Variants in PTPRD observed in about 807,000 individuals in gnomAD.
The protein encoded by PTPRD is protein tyrosine phosphatase receptor type D, also known as receptor-type tyrosine-protein phosphatase delta.
Under a neutral mutation model 214.5 loss-of-function variants are expected in PTPRD, and 34 were observed. That is an observed-to-expected ratio of 0.16 (90% CI 0.12 to 0.21). PTPRD has a LOEUF of 0.21. Among genes scored for constraint, PTPRD ranks in the 10% least tolerant of loss-of-function variants. The pLI is 1.00. For missense variants in PTPRD, 2,545 were observed against 2,398.7 expected (o/e 1.06, Z -1.27); for synonymous variants, 1,128 against 845.7 (o/e 1.33, Z -5.79).
chr9:10,385,249 C>T (rs978808141), intron 2 of PTPRD, among the ~76,000 whole-genome samples: 22 of 151,594 alleles, frequency 1.5e-4, no homozygotes, highest in African/African-American at 5.3e-4. Context: ...TCATACATAT[C>T]CTCATGTTCT....
chr9:10,003,511 C>T (rs559211883), intron 4 of PTPRD, among the ~76,000 whole-genome samples: 5 of 150,982 alleles, frequency 3.3e-5, no homozygotes, highest in African/African-American at 9.7e-5. Flanking sequence ...TAAAAAGGGC[C>T]GAGATGGTAT....
chr9:10,453,427 G>T (rs953574310), intron 2 of PTPRD, among the ~76,000 whole-genome samples: 2 of 151,480 alleles, frequency 1.3e-5, no homozygotes, highest in African/African-American at 4.8e-5. Flanking sequence ...AATATTAATT[G>T]TTCCAATTCA....
chr9:9,700,121 T>C (rs567555137), intron 7 of PTPRD, among the ~76,000 whole-genome samples: 8 of 152,166 alleles, frequency 5.3e-5, no homozygotes, highest in African/African-American at 1.9e-4. Flanking sequence ...GGTACTGAAC[T>C]ATATATTTTT....
At chr9:8,755,227 A>C (rs1207515330) in intron 11 of PTPRD, among the ~76,000 whole-genome samples, 2 of 150,008 alleles carry the variant, frequency 1.3e-5, no homozygotes, top group East Asian at 1.9e-4. Flanking sequence ...TTAAAAAAAA[A>C]AAAAACAAAA....
At chr9:10,390,919 C>T (rs997542093) in intron 2 of PTPRD, among the ~76,000 whole-genome samples, 4 of 151,744 alleles carry the variant, frequency 2.6e-5, no homozygotes, top group East Asian at 2.0e-4. Context: ...AATTATTGGT[C>T]CACTACCAAC....
At position 9,350,038 on chromosome 9, in the gene PTPRD, T is replaced by C. The variant is rs151111848; in HGVS notation, c.-203+47411A>G. The stretch of plus-strand genomic sequence containing the variant: ...TGAAAGCTGCTTTCAGTTATGCAAA[T>C]GCTTGAAGAGGTAGGAACGGAAAGG... On this transcript the variant is annotated intron_variant, in intron 9 of 45. Coordinates refer to ENST00000381196, the MANE Select transcript of PTPRD (RefSeq NM_002839.4). Among the ~76,000 whole-genome samples, 266 of 152,204 alleles carry C rather than the reference T, an allele frequency of 1.7e-3. 1 individual carries two copies. The highest frequency in any genetic ancestry group is 6.1e-3 in the African/African-American group (254 of 41,562).
chr9:9,721,711 G>A (rs760303675), intron 7 of PTPRD, among the ~76,000 whole-genome samples: 1 of 152,018 alleles, frequency 6.6e-6, no homozygotes, highest in South Asian at 2.1e-4. Context: ...TAAAGAGATA[G>A]ACCCTGAGGT....
At chr9:9,759,542 A>T (rs1016531251) in intron 6 of PTPRD, among the ~76,000 whole-genome samples, 3 of 145,862 alleles carry the variant, frequency 2.1e-5, no homozygotes, top group Non-Finnish European at 4.4e-5. Flanking sequence ...ATCTTCAAAT[A>T]GTCAAGGTCT....
At chr9:9,350,992 G>C (rs1261919754) in intron 9 of PTPRD, among the ~76,000 whole-genome samples, 1 of 151,942 alleles carries the variant, frequency 6.6e-6, no homozygotes, top group African/African-American at 2.4e-5. Flanking sequence ...ATTTTAGATT[G>C]CTAAAGAATT....
rs367742276 is a variant in PTPRD at position 9,006,571 on chromosome 9, C to G, written c.-104+12126G>C. Among the ~76,000 whole-genome samples the G allele has an allele frequency of 6.4e-4, 97 of 152,088 alleles. 2 individuals are homozygous for G. Among genetic ancestry groups the G allele is most frequent in the African/African-American group, 2.3e-3 (94 of 41,512 alleles). ...TGCAATTCCCATTGGGCTGCAATTA[C>G]CATATTTATTCACATAACCTACCTG... On this transcript the variant is annotated intron_variant, in intron 11 of 45. Coordinates refer to ENST00000381196, the MANE Select transcript of PTPRD (RefSeq NM_002839.4).
intron 3 of PTPRD, among the ~76,000 whole-genome samples, chr9:10,136,187 T>C (rs1002957523): frequency 1.3e-5 from 2 of 151,886 alleles, no homozygotes; most frequent in Admixed American, 6.6e-5. Flanking sequence ...AACACCTAAT[T>C]ATCCTAAATA....
chr9:8,968,749 G>A (rs1328421147), intron 11 of PTPRD, among the ~76,000 whole-genome samples: 1 of 151,662 alleles, frequency 6.6e-6, no homozygotes, highest in East Asian at 1.9e-4. Flanking sequence ...TTACTATACT[G>A]TCAATGCAAA....
intron 8 of PTPRD, among the ~76,000 whole-genome samples, chr9:9,413,887 T>C (rs1022656038): frequency 2.0e-5 from 3 of 152,224 alleles, no homozygotes; most frequent in East Asian, 1.9e-4. Flanking sequence ...GTTTGCCCTT[T>C]ACATGTAATA....
At chr9:9,207,343 G>T (rs990232029) in intron 9 of PTPRD, among the ~76,000 whole-genome samples, 1 of 151,994 alleles carries the variant, frequency 6.6e-6, no homozygotes, top group Non-Finnish European at 1.5e-5. Flanking sequence ...TAGAATTCGG[G>T]GTGCAGATGT....
chr9:9,633,569 T>C (rs2095660937), intron 7 of PTPRD, among the ~76,000 whole-genome samples: 1 of 152,172 alleles, frequency 6.6e-6, no homozygotes, highest in Admixed American at 6.6e-5. Context: ...GCAAGGAGTC[T>C]GATTCTCTCT....
rs1555449948 is a variant in PTPRD, at chr9:10,509,557, T to TTTTATATATATATATATATATATATA, written c.-600+102840_-600+102841insTATATATATATATATATATATATAAA. Among the ~76,000 whole-genome samples, 63 of 106,690 alleles carry TTTTATATATATATATATATATATATA rather than the reference T, an allele frequency of 5.9e-4. 1 individual carries two copies. Among genetic ancestry groups the TTTTATATATATATATATATATATATA allele is most frequent in the African/African-American group, 1.6e-3 (40 of 25,152 alleles). 70.0% of individuals were successfully genotyped at this position (106,690 alleles called of 152,430 possible). ...TAAATATATTTACATTTAATAAATA[T>TTTTATATATATATATATATATATATA]TATATATATATATATATATATATTT... is the stretch of plus-strand genomic sequence containing the variant. On this transcript the variant is annotated intron_variant, in intron 2 of 45. Coordinates refer to ENST00000381196, the MANE Select transcript of PTPRD (RefSeq NM_002839.4).
chr9:9,220,486 C>T (rs937029332), intron 9 of PTPRD, among the ~76,000 whole-genome samples: 1 of 151,900 alleles, frequency 6.6e-6, no homozygotes, highest in Non-Finnish European at 1.5e-5. Context: ...CTCCTTTGTG[C>T]ATTGGGGATA....
At chr9:10,018,810 A>G (rs2096782579) in intron 4 of PTPRD, among the ~76,000 whole-genome samples, 1 of 151,872 alleles carries the variant, frequency 6.6e-6, no homozygotes, top group African/African-American at 2.4e-5. Flanking sequence ...CGGCCTCCCA[A>G]AGTGCTGGGA....
At chr9:9,090,164 A>G (rs553562760) in intron 10 of PTPRD, among the ~76,000 whole-genome samples, 19 of 152,160 alleles carry the variant, frequency 1.2e-4, no homozygotes, top group Admixed American at 6.5e-4. Flanking sequence ...TGGAATTCCT[A>G]TGTTGTATGT....
Sources: allele counts gnomAD v4.1 joint callset (sites outside exome capture counted in the v4.1 genomes callset), GRCh38; gene constraint gnomAD v4.1.1; transcripts MANE v1.5; gene names NCBI Gene and HGNC (gene_info 2026-07-23, HGNC 2026-07-21).